The following PER3 variants were observed in gnomAD, a reference collection of about 807,000 sequenced individuals.
PER3 encodes the protein period circadian regulator 3, also known as period circadian protein homolog 3.
Under a neutral mutation model 127.2 loss-of-function variants are expected in PER3, and 107 were observed. The ratio of observed to expected loss-of-function variants is 0.84; its 90% CI spans 0.72 to 0.99. PER3 has a LOEUF of 0.99. Ranked by LOEUF, PER3 falls within the 50% of genes least tolerant of loss-of-function variation. The probability of loss-of-function intolerance (pLI) is 0.00; values close to 1 mark genes in which losing one functional copy is unlikely to be tolerated. For synonymous variants in PER3, 618 were observed against 585.8 expected, an observed-to-expected ratio of 1.05 and a Z score of -0.79; for missense variants, 1,560 against 1,525.8, an observed-to-expected ratio of 1.02 and a Z score of -0.37.
At chr1:7,808,819 G>A (rs1473406607) in intron 10 of PER3, 74 bp from the exon 11 acceptor site, 4 of 788,796 alleles carry the variant, frequency 5.1e-6, no homozygotes, top group South Asian at 1.5e-5. Flanking sequence ...ATCTATTCTT[G>A]GAATAGTCTA....
chr1:7,835,686 G>T (rs751732759), intron 19 of PER3, 76 bp from the exon 20 acceptor site: 386 of 1,034,842 alleles, frequency 3.7e-4, no homozygotes, highest in Non-Finnish European at 5.3e-4. Flanking sequence ...CGAGGCAAGA[G>T]TCTGAAGAAT....
At chr1:7,827,033 C>G in intron 17 of PER3, 85 bp from the exon 18 acceptor site, 1 of 1,036,880 alleles carries the variant, frequency 9.6e-7, no homozygotes, top group Non-Finnish European at 1.4e-6. Flanking sequence ...CATTCGTCAG[C>G]TACTTATAAC....
At position 7,787,326 on chromosome 1, in the gene PER3, G is replaced by T. The variant is rs1290434929; in HGVS notation, c.390+490G>T. ...TCTTTTTTAATCTCTCTTCTTGTTT[G>T]ACAGAGTAATCTTCATGTTTGGTTG... On this transcript the variant is annotated intron_variant, in intron 4 of 21. Coordinates refer to ENST00000377532, the MANE Select transcript of PER3 (RefSeq NM_001377275.1). 2.1e-5 allele frequency: 5 copies of T among 238,356 alleles called. No homozygotes were observed. In the South Asian group the frequency reaches 2.5e-4, roughly 12 times the overall value. The allele number at this position is 238,356 out of a possible 1,614,324, so 14.8% of individuals were successfully genotyped here.
intron 13 of PER3, among the ~76,000 whole-genome samples, chr1:7,815,103 C>T (rs1445304816): frequency 6.6e-6 from 1 of 152,022 alleles, no homozygotes; most frequent in Admixed American, 6.6e-5. Context: ...GCCTGGGCAA[C>T]GTAGCCATAC....
intron 5 of PER3, among the ~76,000 whole-genome samples, chr1:7,790,314 C>T (rs1209408292): frequency 5.3e-5 from 8 of 152,160 alleles, no homozygotes; most frequent in Admixed American, 6.5e-5. Flanking sequence ...GGGAAGCAAA[C>T]ATGTCTTTCT....
At chr1:7,803,414 C>T (rs1577723289) in intron 9 of PER3, among the ~76,000 whole-genome samples, 1 of 140,500 alleles carries the variant, frequency 7.1e-6, no homozygotes, top group South Asian at 2.2e-4. Flanking sequence ...CATGGTGTAA[C>T]CCATCTATAC....
intron 13 of PER3, among the ~76,000 whole-genome samples, chr1:7,817,377 G>A (rs917357743): frequency 6.6e-6 from 1 of 152,284 alleles, no homozygotes; most frequent in East Asian, 1.9e-4. Flanking sequence ...CTAAACACAC[G>A]GAAGGGGTGG....
At chr1:7,817,677 T>C (rs1242044876) in intron 13 of PER3, among the ~76,000 whole-genome samples, 1 of 152,130 alleles carries the variant, frequency 6.6e-6, no homozygotes, top group Non-Finnish European at 1.5e-5. Flanking sequence ...TGTGGACTCA[T>C]GCCCCTTTTG....
rs118143152 is a variant in PER3, at chr1:7,803,228, T to C, written c.979+75T>C. ...GTTCTAATTTTTCTTTTCATCTCAT[T>C]AGAGCGCAACCTTTAACCAGAGAGG... is the stretch of plus-strand genomic sequence containing the variant. On this transcript the variant is annotated intron_variant, in intron 9 of 21. Coordinates refer to ENST00000377532, the MANE Select transcript of PER3 (RefSeq NM_001377275.1). 163 of 906,218 alleles carry C rather than the reference T, an allele frequency of 1.8e-4. No homozygotes were observed. In the East Asian group the frequency reaches 3.8e-3, roughly 21 times the overall value. The allele number at this position is 906,218 out of a possible 1,614,324, so 56.1% of individuals were successfully genotyped here.
chr1:7,792,729 CT>C (rs2097127703), intron 5 of PER3, among the ~76,000 whole-genome samples: 1 of 152,200 alleles, frequency 6.6e-6, no homozygotes, highest in South Asian at 2.1e-4. Context: ...GAATATGTTT[CT>C]ATTTAACATG....
intron 21 of PER3, among the ~76,000 whole-genome samples, chr1:7,841,698 T>C (rs1411368298): frequency 1.3e-5 from 2 of 152,102 alleles, no homozygotes; most frequent in African/African-American, 2.4e-5. Context: ...AATCTCCCCA[T>C]CTCCATTTTC....
chr1:7,803,883 C>T (rs1383019950), intron 10 of PER3, 35 bp downstream of exon 10: 1 of 1,551,168 alleles, frequency 6.4e-7, no homozygotes, highest in Non-Finnish European at 8.9e-7. Flanking sequence ...TCTAAAACAT[C>T]TCTTGTATCA....
Position 7,826,512 on chromosome 1 carries a change from A to T in PER3, c.1990A>T (p.Thr664Ser). 3 of 1,613,630 alleles carry T rather than the reference A, an allele frequency of 1.9e-6. No homozygotes were observed. Among genetic ancestry groups the T allele is most frequent in the Non-Finnish European group, 2.5e-6 (3 of 1,179,548 alleles). Residue 664 changes from threonine (T) to serine (S), a missense_variant, in exon 17 of 22, where the codon ACC becomes TCC. Thr to Ser is a moderately conservative substitution (Grantham distance 58). This residue lies in a region of PER3 where 1,332 missense variants were observed against 1,223.6 expected (regional missense o/e 1.09). Transcript: ENST00000377532. The surrounding 1 kb of genome is among the most constrained non-coding windows in gnomAD (Gnocchi z 4.2). ...TGCTACCCTCTTCTGTGAGCCCTGG[A>T]CCCTGAACATGCAGCCAGCCCCTTT... is the stretch of plus-strand genomic sequence containing the variant. ...RDATLFCEPWTLNMQPAPLTS... is the reference protein window; with the variant it reads ...RDATLFCEPWSLNMQPAPLTS...
At chr1:7,807,084 C>T (rs11121028) in intron 10 of PER3, among the ~76,000 whole-genome samples, 12,517 of 151,934 alleles carry the variant, frequency 0.082, 585 homozygotes, top group Middle Eastern at 0.21. Flanking sequence ...TGCTATGGAC[C>T]AGACACTGTT....
intron 21 of PER3, among the ~76,000 whole-genome samples, chr1:7,838,637 T>G (rs1269231208): frequency 6.6e-6 from 1 of 152,106 alleles, no homozygotes; most frequent in Non-Finnish European, 1.5e-5. Context: ...TGACCTCAAG[T>G]AATCTGCCCG....
At chr1:7,786,186 C>T (rs1260053105) in intron 3 of PER3, among the ~76,000 whole-genome samples, 4 of 152,128 alleles carry the variant, frequency 2.6e-5, no homozygotes, top group Admixed American at 1.3e-4. Context: ...ACCCGGGAGG[C>T]GGAGCTTGCA....
chr1:7,832,759 A>G (rs555301739), intron 19 of PER3, among the ~76,000 whole-genome samples: 9 of 151,028 alleles, frequency 6.0e-5, no homozygotes, highest in African/African-American at 2.2e-4. Flanking sequence ...CTTACTTGTT[A>G]GATCTTTGAA....
In PER3 at chr1:7,784,657, G is replaced by A. The variant is rs1017867516; in HGVS notation, c.-221G>A. The A allele has an allele frequency of 2.2e-6, 1 of 454,690 alleles. No individual in the cohort carries two copies. Among genetic ancestry groups the A allele is most frequent in the Non-Finnish European group, 3.8e-6 (1 of 261,400 alleles). 28.2% of individuals were successfully genotyped at this position (454,690 alleles called of 1,614,324 possible). ...CACCCTTGTCTCCTCCCCCTAGGCC[G>A]GAGTCCTGAAAGTCGAGCGAGCTCC... On this transcript the variant is annotated 5_prime_UTR_variant, in exon 2 of 22. Transcript: ENST00000377532.
rs1275282451 is a variant in PER3 at position 7,794,465 on chromosome 1, C to G, written c.644+457C>G. Among the ~76,000 whole-genome samples the G allele has an allele frequency of 3.3e-5, 5 of 152,046 alleles. No individual in the cohort carries two copies. The East Asian group carries it at 5.8e-4, about 18-fold the overall frequency. ...CTGAGATGGCGCCATTGCACTCCAG[C>G]CTGGCAACAGAGCGAGACTCTGTCT... is the stretch of plus-strand genomic sequence containing the variant. On this transcript the variant is annotated intron_variant, in intron 6 of 21. Transcript: ENST00000377532.
Sources: allele counts gnomAD v4.1 joint callset (sites outside exome capture counted in the v4.1 genomes callset), GRCh38; gene constraint gnomAD v4.1.1; regional missense constraint gnomAD v4.1.1; non-coding constraint Gnocchi (gnomAD v3.1); transcripts MANE v1.5; gene names NCBI Gene and HGNC (gene_info 2026-07-23, HGNC 2026-07-21).